The following SCN9A variants were observed in gnomAD, a reference collection of about 807,000 sequenced individuals.
SCN9A encodes sodium channel protein type 9 subunit alpha.
In SCN9A, 131 loss-of-function variants were observed where a neutral mutation model predicts 187.0. The ratio of observed to expected loss-of-function variants is 0.70; its 90% CI spans 0.61 to 0.81. The LOEUF is 0.81. Among genes scored for constraint, SCN9A ranks in the 30% least tolerant of loss-of-function variants. The pLI is 0.00. For missense variants in SCN9A, 2,252 were observed against 2,396.6 expected, an observed-to-expected ratio of 0.94 and a Z score of 1.26; for synonymous variants, 809 against 808.6, an observed-to-expected ratio of 1.00 and a Z score of -0.01.
At chr2:166,220,357 G>C (rs913294618) in intron 24 of SCN9A, among the ~76,000 whole-genome samples, 1 of 152,146 alleles carries the variant, frequency 6.6e-6, no homozygotes, top group Non-Finnish European at 1.5e-5. Context: ...ACCTTTAAGA[G>C]GTGTTTAAGT....
At chr2:166,311,930 T>C (rs903935120) in intron 1 of SCN9A, 124 bp from the exon 2 acceptor site, 13 of 534,726 alleles carry the variant, frequency 2.4e-5, no homozygotes, top group Non-Finnish European at 3.7e-5. Flanking sequence ...TGTTCTAGAA[T>C]TATCAGCTTG....
At chr2:166,281,265 C>G (rs1164095435) in intron 13 of SCN9A, among the ~76,000 whole-genome samples, 1 of 152,066 alleles carries the variant, frequency 6.6e-6, no homozygotes, top group Admixed American at 6.6e-5. Flanking sequence ...CTTTGACTAT[C>G]TTTGCTTATT....
At chr2:166,227,549 G>T in intron 23 of SCN9A, 121 bp downstream of exon 23, 1 of 683,332 alleles carries the variant, frequency 1.5e-6, no homozygotes, top group Non-Finnish European at 2.7e-6. Context: ...ACTATCAGGT[G>T]GATGTTCTTC....
intron 1 of SCN9A, among the ~76,000 whole-genome samples, chr2:166,370,562 A>T (rs1009126276): frequency 1.3e-5 from 2 of 151,834 alleles, no homozygotes; most frequent in African/African-American, 4.8e-5. Context: ...AAAAATAAAA[A>T]AAAAAAAGAA....
At chr2:166,249,121 G>GC (rs1320073667) in intron 18 of SCN9A, among the ~76,000 whole-genome samples, 1 of 151,996 alleles carries the variant, frequency 6.6e-6, no homozygotes, top group African/African-American at 2.4e-5. Context: ...TATTTGCACG[G>GC]CCCCCTTCAA....
rs139537793 is a variant in SCN9A at position 166,340,620 on chromosome 2, C to CCTTT, written c.-50-28818_-50-28815dup. Among the ~76,000 whole-genome samples, 27 of 45,022 alleles carry CCTTT rather than the reference C, an allele frequency of 6.0e-4. 1 individual carries two copies. Among genetic ancestry groups the CCTTT allele is most frequent in the African/African-American group, 2.0e-3 (11 of 5,566 alleles). The allele number at this position is 45,022 out of a possible 152,430, so 29.5% of individuals were successfully genotyped here. On this transcript the variant is annotated intron_variant, in intron 1 of 26. Coordinates refer to ENST00000642356, the MANE Select transcript of SCN9A (RefSeq NM_001365536.1). ...TTTCTTTCTTTTTCTTTCTTTCTTT[C>CCTTT]CTTTCTCTTCTTTCTTTTTTGATAG...
chr2:166,347,775 C>T (rs1289470643), intron 1 of SCN9A, among the ~76,000 whole-genome samples: 1 of 152,098 alleles, frequency 6.6e-6, no homozygotes, highest in African/African-American at 2.4e-5. Context: ...TCACTGGTAG[C>T]CAATCGTAAC....
In SCN9A at chr2:166,199,402, A is replaced by G. The variant is rs1693369688; in HGVS notation, c.5237T>C (p.Ile1746Thr). 1.2e-6 allele frequency: 2 copies of G among 1,614,228 alleles called. No individual in the cohort carries two copies. Among genetic ancestry groups the G allele is most frequent in the Non-Finnish European group, 1.7e-6 (2 of 1,180,022 alleles). ...CATGTTCACCACAACCAGGAAGGAT[A>G]TGATGATATAACTAACAAAGTAGAA... ...GIFYFVSYII[I>T]SFLVVVNMYI... is the part of the protein sequence containing the mutation. The change falls in exon 27 of 27, where the codon ATA becomes ACA. Residue 1746 changes from isoleucine (I) to threonine (T), a missense_variant. By Grantham distance (89) the Ile-to-Thr change is moderately conservative (BLOSUM62 -1). Around this residue, in one of 7 missense-constraint regions of SCN9A, gnomAD observed 345 missense variants for 344.6 expected, o/e 1.00. Transcript: ENST00000642356.
chr2:166,203,275 G>T (rs985283374), intron 26 of SCN9A, among the ~76,000 whole-genome samples: 1 of 151,620 alleles, frequency 6.6e-6, no homozygotes, highest in South Asian at 2.1e-4. Context: ...TCTCTTAAAA[G>T]TTTATAATTC....
At position 166,307,084 on chromosome 2, in the gene SCN9A, GA is replaced by G. The variant is rs769046166; in HGVS notation, c.259-11del. On this transcript the variant is annotated splice_polypyrimidine_tract_variant and intron_variant, in intron 2 of 26. Coordinates refer to ENST00000642356, the MANE Select transcript of SCN9A (RefSeq NM_001365536.1). ...TCAATACTATGAAAGTCTGCAGGAG[GA>G]AAAAGAAAGGATGAAATTGAGAATC... The G allele has an allele frequency of 6.9e-7, 1 of 1,448,742 alleles. No individual in the cohort carries two copies. Among genetic ancestry groups the G allele is most frequent in the Non-Finnish European group, 9.7e-7 (1 of 1,035,714 alleles). 89.7% of individuals were successfully genotyped at this position (1,448,742 alleles called of 1,614,324 possible).
chr2:166,199,258 G>A lies in SCN9A; in HGVS notation c.5381C>T (p.Thr1794Ile). ...EVWEKFDPDA[T>I]QFIEFSKLSD... ...GAGTTTAGAGAACTCTATAAACTGG[G>A]TCGCATCGGGATCAAACTTCTCCCA... Residue 1794 changes from threonine (T) to isoleucine (I), a missense_variant, in exon 27 of 27, where the codon ACC becomes ATC. Physicochemically the swap from Thr to Ile is moderately conservative, Grantham distance 89. Transcript: ENST00000642356. 1 of 1,614,136 alleles carries A rather than the reference G, an allele frequency of 6.2e-7. No individual in the cohort carries two copies. The highest frequency in any genetic ancestry group is 8.5e-7 in the Non-Finnish European group (1 of 1,180,030).
intron 1 of SCN9A, among the ~76,000 whole-genome samples, chr2:166,335,841 C>CT (rs1291797243): frequency 1.3e-5 from 2 of 152,038 alleles, no homozygotes; most frequent in African/African-American, 4.8e-5. Flanking sequence ...GAAACTTGGG[C>CT]TTAAAGACCA....
At chr2:166,352,449 A>C (rs1700053842) in intron 1 of SCN9A, among the ~76,000 whole-genome samples, 1 of 152,232 alleles carries the variant, frequency 6.6e-6, no homozygotes, top group Non-Finnish European at 1.5e-5. Flanking sequence ...GACTGCAGTA[A>C]GACTGAAACT....
intron 17 of SCN9A, among the ~76,000 whole-genome samples, chr2:166,264,397 G>C (rs763681412): frequency 2.6e-5 from 4 of 151,958 alleles, no homozygotes; most frequent in Admixed American, 6.6e-5. Flanking sequence ...TGCATTCTTA[G>C]AAACAGTGAA....
rs372147847 is a variant in SCN9A at position 166,281,720 on chromosome 2, C to T, written c.2063G>A (p.Arg688Lys). Residue 688 changes from arginine (R) to lysine (K), a missense_variant, in exon 13 of 27, where the codon AGA (arginine) becomes AAA (lysine). By Grantham distance (26) the Arg-to-Lys change is conservative (BLOSUM62 2). Transcript: ENST00000642356. ...TAATATGCTTGCTCTACTCATTGCT[C>T]TCTGTCTGAGGTTGGGATCATTCAG... ...DMLNDPNLRQ[R>K]AMSRASILTN... 1.2e-6 allele frequency: 2 copies of T among 1,613,376 alleles called. No individual in the cohort carries two copies. The highest frequency in any genetic ancestry group is 1.7e-6 in the Non-Finnish European group (2 of 1,179,540).
chr2:166,303,966 AG>A, intron 6 of SCN9A: 6 of 1,444,544 alleles, frequency 4.2e-6, no homozygotes, highest in Non-Finnish European at 5.8e-6. Context: ...GCATAAAGAA[AG>A]GTTTTTTTTA....
intron 1 of SCN9A, among the ~76,000 whole-genome samples, chr2:166,322,977 G>A (rs1423804202): frequency 6.6e-6 from 1 of 152,128 alleles, no homozygotes; most frequent in Non-Finnish European, 1.5e-5. Flanking sequence ...AATGACTGTT[G>A]ATTGCTCAAA....
chr2:166,341,180 T>C (rs1699776424), intron 1 of SCN9A, among the ~76,000 whole-genome samples: 1 of 152,186 alleles, frequency 6.6e-6, no homozygotes, highest in South Asian at 2.1e-4. Context: ...AGAGTGACAT[T>C]TGTCAAGCAA....
rs1693213743 is a variant in SCN9A at position 166,195,277 on chromosome 2, ACT to A, written c.*3393_*3394del. The A allele has an allele frequency of 2.0e-5, 3 of 152,182 alleles. No individual in the cohort carries two copies. The highest frequency in any genetic ancestry group is 4.8e-5 in the African/African-American group (2 of 41,432). 9.4% of individuals were successfully genotyped at this position (152,182 alleles called of 1,614,324 possible). A position where few individuals can be genotyped will look rare whatever the true frequency, so the allele number is the denominator to read the frequency against. ...ATAACTACAATATAATTTATGGCAA[ACT>A]CAAACATTTTGAGCATTCATAGATC... On this transcript the variant is annotated 3_prime_UTR_variant, in exon 27 of 27. Coordinates refer to ENST00000642356, the MANE Select transcript of SCN9A (RefSeq NM_001365536.1).
Sources: allele counts gnomAD v4.1 joint callset (sites outside exome capture counted in the v4.1 genomes callset), GRCh38; gene constraint gnomAD v4.1.1; regional missense constraint gnomAD v4.1.1; transcripts MANE v1.5; gene names NCBI Gene and HGNC (gene_info 2026-07-23, HGNC 2026-07-21).